Variants in SFXN2 observed in about 807,000 individuals in gnomAD.
SFXN2 encodes the protein sideroflexin-2.
Under a neutral mutation model 41.9 loss-of-function variants are expected in SFXN2, and 37 were observed. The observed-to-expected ratio is 0.88, with a 90% CI of 0.68 to 1.16. The LOEUF (loss-of-function observed/expected upper bound fraction) is 1.16, where lower values mean the gene tolerates loss of function less well. SFXN2 is among the 50% of genes most tolerant of loss of function. The pLI is 0.00. For synonymous variants in SFXN2, 150 were observed against 156.7 expected (o/e 0.96, Z 0.32); for missense variants, 386 against 425.2 (o/e 0.91, Z 0.81).
rs11390629 is a variant in SFXN2, at chr10:102,742,460, C to CTTT, written c.*4709_*4711dup. Reference sequence around the variant, plus strand: ...ACAGGCAGGAGCCACCGCACCTGGCCTTTTTTTTTTTTTGAGACAGGGTCT... The same window carrying CTTT: ...ACAGGCAGGAGCCACCGCACCTGGCCTTTTTTTTTTTTTTTTGAGACAGGGTCT... On this transcript the variant is annotated 3_prime_UTR_variant, in exon 12 of 12. Coordinates refer to ENST00000369893, the MANE Select transcript of SFXN2 (RefSeq NM_178858.6). 123 of 139,688 alleles carry CTTT rather than the reference C, an allele frequency of 8.8e-4. 1 individual carries two copies. The highest frequency in any genetic ancestry group is 2.1e-3 in the East Asian group (10 of 4,744). 8.7% of individuals were successfully genotyped at this position (139,688 alleles called of 1,614,324 possible). A position where few individuals can be genotyped will look rare whatever the true frequency, so the allele number is the denominator to read the frequency against.
chr10:102,718,913 G>C (rs574173253), intron 1 of SFXN2, among the ~76,000 whole-genome samples: 1 of 137,898 alleles, frequency 7.3e-6, no homozygotes, highest in Non-Finnish European at 1.5e-5. Context: ...TCCTTTTCTC[G>C]GCTTCTTTTT....
rs940835280 is a variant in SFXN2, at chr10:102,724,575, G to A, written c.-25-2037G>A. On this transcript the variant is annotated intron_variant, in intron 1 of 11. Transcript: ENST00000369893. ...AAAATAGCTGGGCATGGTGGTGCAC[G>A]CCTGTAGTCTCAGCTACTTGGGAGG... 4.6e-5 allele frequency among the ~76,000 whole-genome samples: 7 copies of A among 152,044 alleles called. No individual in the cohort carries two copies. The South Asian group carries it at 1.2e-3, about 27-fold the overall frequency.
intron 10 of SFXN2, 31 bp downstream of exon 10, chr10:102,733,634 T>C: frequency 1.2e-6 from 2 of 1,602,562 alleles, no homozygotes; most frequent in Non-Finnish European, 1.7e-6. Flanking sequence ...ATTTGGGTTC[T>C]GCGTGGCTGG....
intron 1 of SFXN2, among the ~76,000 whole-genome samples, chr10:102,719,465 G>C (rs1425568934): frequency 6.6e-6 from 1 of 150,844 alleles, no homozygotes; most frequent in Non-Finnish European, 1.5e-5. Flanking sequence ...CTGACCTCAG[G>C]TGATCCACCC....
chr10:102,726,798 G>T lies in SFXN2; in HGVS notation c.161+1G>T. ...CCAAGGTGATGGTGGAGAAGAGCAG[G>T]TGAGGGGTCGGGGAAGGGGCTGGAA... On this transcript the variant is annotated splice_donor_variant, in intron 2 of 11. Transcript: ENST00000369893. LOFTEE classifies it high-confidence loss of function. 2 of 1,614,196 alleles carry T rather than the reference G, an allele frequency of 1.2e-6. No homozygotes were observed. Among genetic ancestry groups the T allele is most frequent in the South Asian group, 1.1e-5 (1 of 91,078 alleles).
At chr10:102,729,663 C>G in intron 5 of SFXN2, 60 bp from the exon 6 acceptor site, 14 of 1,511,954 alleles carry the variant, frequency 9.3e-6, no homozygotes, top group Non-Finnish European at 1.2e-5. Flanking sequence ...TCGTTCAGCC[C>G]CCTCCCCTCC....
At chr10:102,730,678 C>T (rs2064689230) in intron 6 of SFXN2, among the ~76,000 whole-genome samples, 1 of 152,174 alleles carries the variant, frequency 6.6e-6, no homozygotes, top group Non-Finnish European at 1.5e-5. Context: ...GGGCTGGGTG[C>T]GGTGGCTCAC....
chr10:102,742,479 AG>A lies in SFXN2; in HGVS notation c.*4720del, dbSNP rs1159224807. 1.3e-5 allele frequency: 2 copies of A among 150,904 alleles called. No individual in the cohort carries two copies. The highest frequency in any genetic ancestry group is 4.9e-5 in the African/African-American group (2 of 40,546). 9.3% of individuals were successfully genotyped at this position (150,904 alleles called of 1,614,324 possible). ...CCTGGCCTTTTTTTTTTTTTGAGAC[AG>A]GGTCTCACTCTGTTGCCCAGGCTGG... On this transcript the variant is annotated 3_prime_UTR_variant, in exon 12 of 12. Coordinates refer to ENST00000369893, the MANE Select transcript of SFXN2 (RefSeq NM_178858.6).
chr10:102,732,028 C>A, intron 7 of SFXN2, 124 bp from the exon 8 acceptor site: 1 of 949,340 alleles, frequency 1.1e-6, no homozygotes, highest in African/African-American at 1.6e-5. Flanking sequence ...CACTCAGCAA[C>A]TGGAGGGTCC....
Position 102,735,818 on chromosome 10 carries a change from G to A in SFXN2, c.822-44G>A, listed in dbSNP as rs376146538. 6.0e-5 allele frequency: 96 copies of A among 1,606,250 alleles called. 1 individual carries two copies. The African/African-American group carries it at 8.6e-4, about 14-fold the overall frequency. On this transcript the variant is annotated intron_variant, in intron 10 of 11. Transcript: ENST00000369893. The stretch of plus-strand genomic sequence containing the variant: ...TTGGGGATGGGGGATGGACGGGCCT[G>A]TGGGGAGATGTCCCCTGATGCTTTG...
intron 11 of SFXN2, among the ~76,000 whole-genome samples, chr10:102,736,200 TC>T (rs1296007424): frequency 3.9e-5 from 6 of 152,096 alleles, no homozygotes; most frequent in Non-Finnish European, 5.9e-5. Context: ...GACTTTCTCT[TC>T]CTGCCAGCTG....
intron 9 of SFXN2, among the ~76,000 whole-genome samples, chr10:102,733,128 C>G (rs1331061593): frequency 6.6e-6 from 1 of 152,122 alleles, no homozygotes; most frequent in Non-Finnish European, 1.5e-5. Context: ...CTTTAAGGGC[C>G]AGGGGGTCCT....
At chr10:102,718,918 C>CTTT (rs34471332) in intron 1 of SFXN2, among the ~76,000 whole-genome samples, 777 of 74,228 alleles carry the variant, frequency 0.01, 6 homozygotes, top group African/African-American at 0.014. Context: ...TTCTCGGCTT[C>CTTT]TTTTTTTTTT....
chr10:102,743,087 T>G lies in SFXN2; in HGVS notation c.*5325T>G, dbSNP rs1486459033. 1 of 152,132 alleles carries G rather than the reference T, an allele frequency of 6.6e-6. No individual in the cohort carries two copies. Among genetic ancestry groups the G allele is most frequent in the Non-Finnish European group, 1.5e-5 (1 of 68,024 alleles). 9.4% of individuals were successfully genotyped at this position (152,132 alleles called of 1,614,324 possible). On this transcript the variant is annotated 3_prime_UTR_variant, in exon 12 of 12. Transcript: ENST00000369893. ...AGGGACGAAGTCACAGAGAGGACCG[T>G]GTTGGGAAGTTTGGACTCTCTATTC...
chr10:102,717,123 T>C (rs896124867), intron 1 of SFXN2, among the ~76,000 whole-genome samples: 4 of 118,102 alleles, frequency 3.4e-5, no homozygotes, highest in African/African-American at 9.8e-5. Context: ...ATTCTCTCTC[T>C]CTTTTTTTTT....
intron 10 of SFXN2, 78 bp from the exon 11 acceptor site, chr10:102,735,784 T>G: frequency 6.7e-7 from 1 of 1,490,770 alleles, no homozygotes; most frequent in Non-Finnish European, 9.4e-7. Context: ...TGGGCATTGC[T>G]CCTTTCCCTT....
rs776726589 is a variant in SFXN2, at chr10:102,729,719, A to G, written c.508-4A>G. On this transcript the variant is annotated splice_region_variant and splice_polypyrimidine_tract_variant and intron_variant, in intron 5 of 11. Coordinates refer to ENST00000369893, the MANE Select transcript of SFXN2 (RefSeq NM_178858.6). ...CAACTCCTACTGTTCTCTTCCCCCA[A>G]CAGAAAGCGCCGCCCTTGGTGGGCC... The G allele has an allele frequency of 2.5e-6, 4 of 1,613,606 alleles. No individual in the cohort carries two copies. The highest frequency in any genetic ancestry group is 2.2e-5 in the East Asian group (1 of 44,876).
intron 11 of SFXN2, 28 bp from the exon 12 acceptor site, chr10:102,737,635 T>C: frequency 6.8e-7 from 1 of 1,477,800 alleles, no homozygotes; most frequent in East Asian, 2.3e-5. Flanking sequence ...CCTGGTGGCA[T>C]GCTCATAATC....
chr10:102,737,651 C>G lies in SFXN2; in HGVS notation c.870-12C>G. On this transcript the variant is annotated splice_polypyrimidine_tract_variant and intron_variant, in intron 11 of 11. Coordinates refer to ENST00000369893, the MANE Select transcript of SFXN2 (RefSeq NM_178858.6). ...CTGGTGGCATGCTCATAATCCACTT[C>G]TCTCTTTTCAGTGAATTGCCAGTTT... is the stretch of plus-strand genomic sequence containing the variant. 6.3e-7 allele frequency: 1 copy of G among 1,586,444 alleles called. No homozygotes were observed. Among genetic ancestry groups the G allele is most frequent in the South Asian group, 1.1e-5 (1 of 90,442 alleles).
Sources: allele counts gnomAD v4.1 joint callset (sites outside exome capture counted in the v4.1 genomes callset), GRCh38; gene constraint gnomAD v4.1.1; transcripts MANE v1.5; gene names NCBI Gene and HGNC (gene_info 2026-07-23, HGNC 2026-07-21).